Variants in CCR5AS observed in about 807,000 individuals in gnomAD.
CCR5AS encodes CCR5 antisense RNA.
At chr3:46,395,173 G>C (rs144836751) in intron 1 of CCR5AS, among the ~76,000 whole-genome samples, 58 of 152,254 alleles carry the variant, frequency 3.8e-4, no homozygotes, top group Non-Finnish European at 7.5e-4. Flanking sequence ...ATCAAGGCTT[G>C]GGTCTTGGCC....
At chr3:46,396,100 C>A (rs1701960121) in intron 1 of CCR5AS, among the ~76,000 whole-genome samples, 1 of 152,206 alleles carries the variant, frequency 6.6e-6, no homozygotes, top group Admixed American at 6.5e-5. Flanking sequence ...CTTTCCTGCA[C>A]AGTTACAATG....
intron 2 of CCR5AS, among the ~76,000 whole-genome samples, chr3:46,372,252 C>T (rs2856764): frequency 0.3 from 45,688 of 151,930 alleles, 7,816 homozygotes; most frequent in East Asian, 0.56. Context: ...GAGTTGCAGC[C>T]GGGCATGGTG....
intron 2 of CCR5AS, chr3:46,375,326 T>C (rs1261088416): frequency 6.0e-6 from 1 of 167,028 alleles, no homozygotes; most frequent in Non-Finnish European, 1.5e-5. Flanking sequence ...ATTGATTACC[T>C]AGTAGTCATT....
chr3:46,400,172 G>T (rs1701994875), intron 1 of CCR5AS, among the ~76,000 whole-genome samples: 1 of 152,068 alleles, frequency 6.6e-6, no homozygotes, highest in Middle Eastern at 3.4e-3. Flanking sequence ...TTGTACATTT[G>T]TAGAGACAGG....
chr3:46,404,689 C>T (rs1348575850), intron 1 of CCR5AS, among the ~76,000 whole-genome samples: 1 of 152,136 alleles, frequency 6.6e-6, no homozygotes, highest in East Asian at 1.9e-4. Flanking sequence ...CCCTGAGCCA[C>T]CTTGGCCTCT....
At chr3:46,397,093 C>A (rs1470426783) in intron 1 of CCR5AS, among the ~76,000 whole-genome samples, 1 of 152,188 alleles carries the variant, frequency 6.6e-6, no homozygotes, top group Admixed American at 6.5e-5. Context: ...CCACACCTCA[C>A]CTGGCCGGCT....
chr3:46,379,450 A>T (rs943579863), intron 2 of CCR5AS, among the ~76,000 whole-genome samples: 1 of 151,602 alleles, frequency 6.6e-6, no homozygotes, highest in African/African-American at 2.4e-5. Flanking sequence ...TATCATTCGC[A>T]CTCTCCTTTC....
At chr3:46,392,658 G>T (rs1182921429) in intron 2 of CCR5AS, among the ~76,000 whole-genome samples, 1 of 152,222 alleles carries the variant, frequency 6.6e-6, no homozygotes, top group Non-Finnish European at 1.5e-5. Flanking sequence ...AGACACCAAA[G>T]GAAGGCTGTC....
At chr3:46,370,491 G>A (rs1317132494) in intron 3 of CCR5AS, among the ~76,000 whole-genome samples, 1 of 152,084 alleles carries the variant, frequency 6.6e-6, no homozygotes, top group Non-Finnish European at 1.5e-5. Context: ...ATTTAAAGTT[G>A]GTTTAAGTTG....
chr3:46,386,368 C>T (rs1428940463), intron 2 of CCR5AS, among the ~76,000 whole-genome samples: 2 of 152,210 alleles, frequency 1.3e-5, no homozygotes. Flanking sequence ...TAGGGACCTC[C>T]CCTAATCCAC....
chr3:46,402,460 T>C (rs1391455593), intron 1 of CCR5AS, among the ~76,000 whole-genome samples: 1 of 152,252 alleles, frequency 6.6e-6, no homozygotes, highest in Non-Finnish European at 1.5e-5. Context: ...GTAGTTTTTC[T>C]ACATTTCCCA....
At chr3:46,382,161 A>G (rs1262270355) in intron 2 of CCR5AS, among the ~76,000 whole-genome samples, 1 of 152,244 alleles carries the variant, frequency 6.6e-6, no homozygotes, top group Non-Finnish European at 1.5e-5. Flanking sequence ...TTCAACATGG[A>G]TTCTCCATCT....
intron 2 of CCR5AS, chr3:46,372,981 C>A: frequency 6.2e-7 from 1 of 1,613,696 alleles, no homozygotes; most frequent in Non-Finnish European, 8.5e-7. Context: ...CAATGTGAAG[C>A]AAATCGCAGC....
At chr3:46,369,627 A>T (rs1701635244) in intron 3 of CCR5AS, among the ~76,000 whole-genome samples, 1 of 151,958 alleles carries the variant, frequency 6.6e-6, no homozygotes, top group Admixed American at 6.5e-5. Flanking sequence ...GATCAAATAA[A>T]CTCTCTCTGA....
At chr3:46,376,599 C>T (rs41403149) in intron 2 of CCR5AS, among the ~76,000 whole-genome samples, 1,895 of 152,258 alleles carry the variant, frequency 0.012, 43 homozygotes, top group African/African-American at 0.043. Context: ...AACGTCATGG[C>T]CTGGTCACTT....
intron 1 of CCR5AS, among the ~76,000 whole-genome samples, chr3:46,395,174 G>C (rs1701948755): frequency 2.0e-5 from 3 of 152,126 alleles, no homozygotes; most frequent in Admixed American, 1.3e-4. Flanking sequence ...TCAAGGCTTG[G>C]GTCTTGGCCC....
At chr3:46,401,910 T>A (rs1702009138) in intron 1 of CCR5AS, among the ~76,000 whole-genome samples, 1 of 151,942 alleles carries the variant, frequency 6.6e-6, no homozygotes, top group African/African-American at 2.4e-5. Context: ...GTATGAAAAT[T>A]TTAAAAGGGG....
intron 1 of CCR5AS, among the ~76,000 whole-genome samples, chr3:46,401,034 G>T (rs1436707655): frequency 6.6e-6 from 1 of 152,196 alleles, no homozygotes; most frequent in African/African-American, 2.4e-5. Flanking sequence ...CAGAATTCAG[G>T]TTCCAGAGAC....
chr3:46,389,492 CT>C (rs1336194534), intron 2 of CCR5AS, among the ~76,000 whole-genome samples: 1 of 152,182 alleles, frequency 6.6e-6, no homozygotes, highest in Non-Finnish European at 1.5e-5. Context: ...GATTAGCAGC[CT>C]GGCGAATTTC....
Sources: gnomAD v4.1 joint callset for allele counts (sites outside exome capture counted in the v4.1 genomes callset) on GRCh38, gnomAD v4.1.1 for gene constraint, MANE v1.5 for transcripts, NCBI Gene and HGNC (gene_info 2026-07-23, HGNC 2026-07-21) for gene names.